C1orf116: variants seen among roughly 807,000 people sequenced by gnomAD.
The protein encoded by C1orf116 is chromosome 1 open reading frame 116, also known as specifically androgen-regulated gene protein.
C1orf116 carries 12 observed loss-of-function variants against 14.1 expected under a neutral mutation model. That is an observed-to-expected ratio of 0.85 (90% CI 0.54 to 1.38). The LOEUF is 1.38. Ranked by LOEUF, C1orf116 falls within the 40% of genes most tolerant of loss-of-function variation. The pLI, the probability that C1orf116 is intolerant of heterozygous loss-of-function variation, is 0.00. For missense variants in C1orf116, 797 were observed against 747.0 expected (o/e 1.07, Z -0.78); for synonymous variants, 296 against 299.0 (o/e 0.99, Z 0.10).
chr1:207,032,605 G>A lies in C1orf116; in HGVS notation c.-108C>T. 1.0e-6 allele frequency: 1 copy of A among 985,454 alleles called. No individual in the cohort carries two copies. The highest frequency in any genetic ancestry group is 1.2e-6 in the Non-Finnish European group (1 of 829,956). 61.0% of individuals were successfully genotyped at this position (985,454 alleles called of 1,614,324 possible). A position where few individuals can be genotyped will look rare whatever the true frequency, so the allele number is the denominator to read the frequency against. ...TCCACTGGGTTGGGGGCTGAAGAGA[G>A]AAAAGAAATACCCTTTTGTTTCAAA... On this transcript the variant is annotated 5_prime_UTR_variant, in exon 1 of 4. Coordinates refer to ENST00000359470, the MANE Select transcript of C1orf116 (RefSeq NM_023938.6).
rs747621280 is a variant in C1orf116, at chr1:207,022,164, C to T, written c.1600G>A (p.Gly534Ser). 6.2e-7 allele frequency: 1 copy of T among 1,613,578 alleles called. No individual in the cohort carries two copies. The highest frequency in any genetic ancestry group is 1.7e-5 in the Admixed American group (1 of 60,018). ...RNSRPRPASL[G>S]TGKDFAGIQV... ...ATACCTGCAAAATCTTTCCCCGTGC[C>T]CAGGGAGGCCGGGCGGGGCCGAGAA... The change falls in exon 4 of 4, where the codon GGC becomes AGC. Residue 534 changes from glycine to serine, a missense_variant. Gly to Ser is a moderately conservative substitution (Grantham distance 56). Coordinates refer to ENST00000359470, the MANE Select transcript of C1orf116 (RefSeq NM_023938.6).
chr1:207,031,154 C>T (rs1682232171), intron 1 of C1orf116, among the ~76,000 whole-genome samples: 1 of 152,214 alleles, frequency 6.6e-6, no homozygotes, highest in Non-Finnish European at 1.5e-5. Flanking sequence ...GTTGACTACC[C>T]AGAAATGTGC....
At position 207,027,675 on chromosome 1, in the gene C1orf116, C is replaced by A. The variant is rs1015108531; in HGVS notation, c.-77G>T. On this transcript the variant is annotated 5_prime_UTR_variant, in exon 2 of 4. Coordinates refer to ENST00000359470, the MANE Select transcript of C1orf116 (RefSeq NM_023938.6). ...AGGGGAAGTGAACAATGTCCCAAGC[C>A]GGGCCTGAAAAGAGAAGAATCAAAG... The A allele has an allele frequency of 1.3e-6, 2 of 1,573,870 alleles. No homozygotes were observed. Among genetic ancestry groups the A allele is most frequent in the East Asian group, 2.3e-5 (1 of 44,064 alleles).
chr1:207,022,312 C>G lies in C1orf116; in HGVS notation c.1452G>C (p.Leu484=). Residue 484 remains leucine, a synonymous_variant, in exon 4 of 4, where the codon CTG becomes CTC. Coordinates refer to ENST00000359470, the MANE Select transcript of C1orf116 (RefSeq NM_023938.6). The part of the protein sequence containing the change: ...LRQMNFKSNT[L]ERSGVGLSSY... Reference sequence around the variant, plus strand: ...TGCTCAGTCCCACGCCTGAGCGCTCCAGAGTGTTGGACTTGAAGTTCATCT... The same window carrying G: ...TGCTCAGTCCCACGCCTGAGCGCTCGAGAGTGTTGGACTTGAAGTTCATCT... 1 of 1,613,882 alleles carries G rather than the reference C, an allele frequency of 6.2e-7. No individual in the cohort carries two copies. Among genetic ancestry groups the G allele is most frequent in the Non-Finnish European group, 8.5e-7 (1 of 1,179,878 alleles).
At position 207,022,163 on chromosome 1, in the gene C1orf116, C is replaced by A; in HGVS notation, c.1601G>T (p.Gly534Val). 1.9e-6 allele frequency: 3 copies of A among 1,613,532 alleles called. No homozygotes were observed. The highest frequency in any genetic ancestry group is 2.5e-6 in the Non-Finnish European group (3 of 1,179,512). The change falls in exon 4 of 4, where the codon GGC (glycine) becomes GTC (valine). Residue 534 changes from glycine (G) to valine (V), a missense_variant. Gly to Val is a moderately radical substitution (Grantham distance 109). Transcript: ENST00000359470. ...GATACCTGCAAAATCTTTCCCCGTG[C>A]CCAGGGAGGCCGGGCGGGGCCGAGA... ...RNSRPRPASL[G>V]TGKDFAGIQV...
intron 2 of C1orf116, 49 bp downstream of exon 2, chr1:207,027,445 C>T (rs370463006): frequency 6.2e-7 from 1 of 1,606,856 alleles, no homozygotes; most frequent in Non-Finnish European, 8.5e-7. Context: ...CAGGGCAGGG[C>T]AGGTGTGCAG....
Position 207,023,217 on chromosome 1 carries a change from G to A in C1orf116, c.547C>T (p.Pro183Ser), listed in dbSNP as rs149404127. 6.2e-6 allele frequency: 10 copies of A among 1,609,948 alleles called. No individual in the cohort carries two copies. Among genetic ancestry groups the A allele is most frequent in the African/African-American group, 1.3e-5 (1 of 74,776 alleles). Reference sequence around the variant, plus strand: ...AGGGCAGCCTCCTGGGGGCTGGCAGGTGCCTGCCTGGGTTGGCTGCTCTGG... The same window carrying A: ...AGGGCAGCCTCCTGGGGGCTGGCAGATGCCTGCCTGGGTTGGCTGCTCTGG... ...VSQSSQPRQA[P>S]ASPQEAALDL... Residue 183 changes from proline (P) to serine (S), a missense_variant, in exon 4 of 4, where the codon CCT becomes TCT. Pro to Ser is a moderately conservative substitution (Grantham distance 74). Coordinates refer to ENST00000359470, the MANE Select transcript of C1orf116 (RefSeq NM_023938.6).
chr1:207,023,615 C>G, intron 3 of C1orf116, 135 bp from the exon 4 acceptor site: 1 of 1,311,608 alleles, frequency 7.6e-7, no homozygotes, highest in Non-Finnish European at 1.0e-6. Flanking sequence ...TTTATTTTGC[C>G]TTGTTTTCTT....
intron 1 of C1orf116, among the ~76,000 whole-genome samples, chr1:207,032,264 T>C (rs566785499): frequency 6.6e-6 from 1 of 152,366 alleles, no homozygotes; most frequent in African/African-American, 2.4e-5. Flanking sequence ...TCAATTTCAA[T>C]TGTTCAGAGA....
chr1:207,025,088 G>A (rs12733913), intron 2 of C1orf116, 24 bp from the exon 3 acceptor site: 6 of 1,197,084 alleles, frequency 5.0e-6, no homozygotes, highest in Admixed American at 2.1e-5. Context: ...GGTTGGGGGC[G>A]GGGGCGGGGA....
At chr1:207,029,564 A>T (rs1682184207) in intron 1 of C1orf116, among the ~76,000 whole-genome samples, 1 of 152,190 alleles carries the variant, frequency 6.6e-6, no homozygotes, top group Admixed American at 6.5e-5. Context: ...GAAAACACTC[A>T]AAAAATGCCG....
chr1:207,027,230 T>G (rs1010843416), intron 2 of C1orf116, among the ~76,000 whole-genome samples: 4 of 152,204 alleles, frequency 2.6e-5, no homozygotes, highest in African/African-American at 7.2e-5. Context: ...CTACTCTCTC[T>G]GCTCAACCCA....
At chr1:207,030,567 T>A (rs1024737593) in intron 1 of C1orf116, among the ~76,000 whole-genome samples, 6 of 152,156 alleles carry the variant, frequency 3.9e-5, no homozygotes, top group Admixed American at 6.5e-5. Context: ...CACAGAGGAA[T>A]CTGAACCTGA....
At chr1:207,023,517 A>T in intron 3 of C1orf116, 37 bp from the exon 4 acceptor site, 2 of 1,552,980 alleles carry the variant, frequency 1.3e-6, no homozygotes, top group Non-Finnish European at 1.7e-6. Flanking sequence ...GAGTGGACAG[A>T]AAAAGAGTGG....
Position 207,032,609 on chromosome 1 carries a change from AG to A in C1orf116, c.-113del, listed in dbSNP as rs1682281326. 2 of 985,326 alleles carry A rather than the reference AG, an allele frequency of 2.0e-6. No homozygotes were observed. Among genetic ancestry groups the A allele is most frequent in the African/African-American group, 3.5e-5 (2 of 57,218 alleles). 61.0% of individuals were successfully genotyped at this position (985,326 alleles called of 1,614,324 possible). On this transcript the variant is annotated 5_prime_UTR_variant, in exon 1 of 4. Transcript: ENST00000359470. ...CTGGGTTGGGGGCTGAAGAGAGAAA[AG>A]AAATACCCTTTTGTTTCAAAGGGCA...
chr1:207,022,216 G>A lies in C1orf116; in HGVS notation c.1548C>T (p.Asp516=), dbSNP rs34185174. 0.011 allele frequency: 18,371 copies of A among 1,614,072 alleles called. 123 individuals carry two copies. The highest frequency in any genetic ancestry group is 0.013 in the Non-Finnish European group (15,050 of 1,180,008). ...STSLGKGSFL[D]KISPSVLRNS... ...TACGTAAGACACTGGGCGAGATCTT[G>A]TCCAAGAAGGAGCCCTTTCCCAGAG... The change falls in exon 4 of 4, where the codon GAC becomes GAT. Residue 516 remains aspartate, a synonymous_variant. Transcript: ENST00000359470.
In C1orf116 at chr1:207,028,284, T is replaced by C. The variant is rs1030511086; in HGVS notation, c.-81-605A>G. On this transcript the variant is annotated intron_variant, in intron 1 of 3. Coordinates refer to ENST00000359470, the MANE Select transcript of C1orf116 (RefSeq NM_023938.6). ...GAAACAGGATCTCAGAAAAGAAGGGTTCTGGTTTGATGGGAGACTGTAGAC... is the reference window on the plus strand; with the variant it reads ...GAAACAGGATCTCAGAAAAGAAGGGCTCTGGTTTGATGGGAGACTGTAGAC... Among the ~76,000 whole-genome samples, 5 of 152,000 alleles carry C rather than the reference T, an allele frequency of 3.3e-5. No individual in the cohort carries two copies. In the East Asian group the frequency reaches 9.6e-4, roughly 29 times the overall value.
At chr1:207,027,743 TG>T in intron 1 of C1orf116, 64 bp from the exon 2 acceptor site, 1 of 1,441,080 alleles carries the variant, frequency 6.9e-7, no homozygotes, top group Non-Finnish European at 9.1e-7. Context: ...GCCCAGGCCC[TG>T]GGCGGCATGG....
chr1:207,022,559 G>T lies in C1orf116; in HGVS notation c.1205C>A (p.Ala402Asp). 1 of 1,614,076 alleles carries T rather than the reference G, an allele frequency of 6.2e-7. No homozygotes were observed. Among genetic ancestry groups the T allele is most frequent in the African/African-American group, 1.3e-5 (1 of 75,060 alleles). ...CAGAGCCTTCCCAGCAGCAGGAATA[G>T]CTGCTGAGGCCTGGGCTGGAGCTGC... ...QPAAPAQASAAIPAAGKALAQ... is the reference protein window; with the variant it reads ...QPAAPAQASADIPAAGKALAQ... The change falls in exon 4 of 4, where the codon GCT (alanine) becomes GAT (aspartate). Residue 402 changes from alanine to aspartate, a missense_variant. By Grantham distance (126) the Ala-to-Asp change is moderately radical. Transcript: ENST00000359470.
Sources: gnomAD v4.1 joint callset for allele counts (sites outside exome capture counted in the v4.1 genomes callset) on GRCh38, gnomAD v4.1.1 for gene constraint, MANE v1.5 for transcripts, NCBI Gene and HGNC (gene_info 2026-07-23, HGNC 2026-07-21) for gene names.